EPS8: variants seen among roughly 807,000 people sequenced by gnomAD.
The protein encoded by EPS8 is EGFR pathway substrate 8, signaling adaptor.
EPS8 carries 42 observed loss-of-function variants against 103.8 expected under a neutral mutation model. That is an observed-to-expected ratio of 0.40 (90% CI 0.32 to 0.52). The LOEUF (loss-of-function observed/expected upper bound fraction) is 0.52, where lower values mean the gene tolerates loss of function less well. Ranked by LOEUF, EPS8 falls within the 20% of genes least tolerant of loss-of-function variation. EPS8 has a pLI of 0.40. For missense variants in EPS8, 969 were observed against 1,005.1 expected (o/e 0.96, Z 0.49); for synonymous variants, 344 against 344.6 (o/e 1.00, Z 0.02).
intron 18 of EPS8, among the ~76,000 whole-genome samples, chr12:15,630,846 G>A (rs935374249): frequency 3.3e-5 from 5 of 152,110 alleles, no homozygotes; most frequent in African/African-American, 1.2e-4. Context: ...CTCTGTTGCT[G>A]GGGACTGTCC....
Position 15,760,592 on chromosome 12 carries a change from T to C in EPS8, c.-22+28569A>G, listed in dbSNP as rs1565533687. ...CGAATTCAATAATACCTTTAAAAGA[T>C]CATTCATCATAACCAGGTGGGATAA... On this transcript the variant is annotated intron_variant, in intron 1 of 20. Coordinates refer to ENST00000281172, the MANE Select transcript of EPS8 (RefSeq NM_004447.6). The surrounding 1 kb of genome is among the most constrained non-coding windows in gnomAD (Gnocchi z 4.5). Among the ~76,000 whole-genome samples the C allele has an allele frequency of 6.6e-6, 1 of 152,056 alleles. No individual in the cohort carries two copies.
rs201599438 is a variant in EPS8 at position 15,631,647 on chromosome 12, A to G, written c.1839T>C (p.Tyr613=). 1.0e-4 allele frequency: 164 copies of G among 1,613,074 alleles called. 1 individual carries two copies. The East Asian group carries it at 3.3e-3, about 32-fold the overall frequency. The change falls in exon 18 of 21, where the codon TAT becomes TAC. Residue 613 remains tyrosine, a synonymous_variant. Coordinates refer to ENST00000281172, the MANE Select transcript of EPS8 (RefSeq NM_004447.6). ...THTIQKQRME[Y]GPRPADTPPA... ...GGGGAGTATCAGCTGGTCTTGGGCCATACTCCATCCTTTGTTTCTATAAAA... is the reference window on the plus strand; with the variant it reads ...GGGGAGTATCAGCTGGTCTTGGGCCGTACTCCATCCTTTGTTTCTATAAAA...
intron 1 of EPS8, among the ~76,000 whole-genome samples, chr12:15,699,045 TCCCTC>T (rs1233989527): frequency 6.6e-6 from 1 of 151,964 alleles, no homozygotes; most frequent in Non-Finnish European, 1.5e-5. Flanking sequence ...CTACAAATGA[TCCCTC>T]CACCGATGTG....
chr12:15,710,654 T>C (rs1462678672), intron 1 of EPS8, among the ~76,000 whole-genome samples: 1 of 152,210 alleles, frequency 6.6e-6, no homozygotes, highest in Non-Finnish European at 1.5e-5. Context: ...AATTTCTTCA[T>C]GTAGCTGGAA....
At position 15,780,651 on chromosome 12, in the gene EPS8, T is replaced by C. The variant is rs181522452; in HGVS notation, c.-22+8510A>G. The C allele has an allele frequency of 6.6e-6, 1 of 152,304 alleles. No homozygotes were observed. The highest frequency in any genetic ancestry group is 6.5e-5 in the Admixed American group (1 of 15,292). 9.4% of individuals were successfully genotyped at this position (152,304 alleles called of 1,614,324 possible). ...GATTCCAAAGTCCATTGTTTGTTTG[T>C]TTTTTAATATATACTTCCTTCAGCT... On this transcript the variant is annotated intron_variant, in intron 1 of 20. Coordinates refer to ENST00000281172, the MANE Select transcript of EPS8 (RefSeq NM_004447.6). This position sits in a 1 kb window ranked among gnomAD's most constrained non-coding sequence, Gnocchi z 4.1.
chr12:15,776,895 G>A lies in EPS8; in HGVS notation c.-22+12266C>T, dbSNP rs570091225. Among the ~76,000 whole-genome samples the A allele has an allele frequency of 6.2e-4, 94 of 152,236 alleles. No homozygotes were observed. The highest frequency in any genetic ancestry group is 2.2e-3 in the African/African-American group (91 of 41,554). On this transcript the variant is annotated intron_variant, in intron 1 of 20. Transcript: ENST00000281172. The surrounding 1 kb of genome is among the most constrained non-coding windows in gnomAD (Gnocchi z 4.2). ...TGAAAATTTCATATTTCCCAGTAAT[G>A]ATAGTTTGATTTTATCAATGCCTTT...
At position 15,761,765 on chromosome 12, in the gene EPS8, G is replaced by A. The variant is rs148216192; in HGVS notation, c.-22+27396C>T. On this transcript the variant is annotated intron_variant, in intron 1 of 20. Transcript: ENST00000281172. The surrounding 1 kb of genome is among the most constrained non-coding windows in gnomAD (Gnocchi z 4.5). ...GAAGGAAACTAGACCCCTATCTCTC[G>A]CCACATCCAAAAATCAAAGCTAAAT... is the stretch of plus-strand genomic sequence containing the variant. Among the ~76,000 whole-genome samples the A allele has an allele frequency of 1.9e-4, 29 of 152,000 alleles. No individual in the cohort carries two copies. Among genetic ancestry groups the A allele is most frequent in the Admixed American group, 1.3e-3 (20 of 15,240 alleles).
intron 1 of EPS8, among the ~76,000 whole-genome samples, chr12:15,758,993 A>C (rs1443559300): frequency 6.6e-6 from 1 of 152,186 alleles, no homozygotes; most frequent in Non-Finnish European, 1.5e-5. Context: ...AATGCACTCC[A>C]GCCTGGATTC....
intron 1 of EPS8, among the ~76,000 whole-genome samples, chr12:15,699,093 C>T (rs529030485): frequency 2.6e-5 from 4 of 152,156 alleles, no homozygotes; most frequent in Non-Finnish European, 4.4e-5. Context: ...AAAACTGCTC[C>T]CCAAGAGGAG....
At chr12:15,774,393 T>C (rs1947186114) in intron 1 of EPS8, among the ~76,000 whole-genome samples, 1 of 144,660 alleles carries the variant, frequency 6.9e-6, no homozygotes, top group African/African-American at 2.6e-5. Context: ...GCTATTACTC[T>C]TCAGTTAGGT....
rs1036536081 is a variant in EPS8 at position 15,772,451 on chromosome 12, T to C, written c.-22+16710A>G. Among the ~76,000 whole-genome samples, 5 of 152,072 alleles carry C rather than the reference T, an allele frequency of 3.3e-5. No homozygotes were observed. The highest frequency in any genetic ancestry group is 2.1e-4 in the South Asian group (1 of 4,826). On this transcript the variant is annotated intron_variant, in intron 1 of 20. Transcript: ENST00000281172. This position sits in a 1 kb window ranked among gnomAD's most constrained non-coding sequence, Gnocchi z 5.0. ...AGAGAATGAAACTTAGGCTGTAACA[T>C]GAAATGAGATGAAGGCTAAGAAAAT... is the stretch of plus-strand genomic sequence containing the variant.
intron 18 of EPS8, among the ~76,000 whole-genome samples, chr12:15,626,112 A>G (rs898327383): frequency 1.3e-5 from 2 of 152,172 alleles, no homozygotes; most frequent in African/African-American, 4.8e-5. Context: ...CTGGCAAAAT[A>G]CCACGGAGCT....
intron 1 of EPS8, among the ~76,000 whole-genome samples, chr12:15,786,212 A>G (rs1947309436): frequency 6.6e-6 from 1 of 152,100 alleles, no homozygotes; most frequent in South Asian, 2.1e-4. Context: ...TACTGATAGT[A>G]TATACCCTTG....
Position 15,663,944 on chromosome 12 carries a change from A to ATAAT in EPS8, c.736+1811_736+1812insATTA, listed in dbSNP as rs1264237107. On this transcript the variant is annotated intron_variant, in intron 8 of 20. Transcript: ENST00000281172. ...TCAAAAAAAAAAAAAAAAAAAAAAA[A>ATAAT]AATAATATATATATATATATATATA... Among the ~76,000 whole-genome samples, 256 of 85,922 alleles carry ATAAT rather than the reference A, an allele frequency of 3.0e-3. 6 individuals carry two copies. Among genetic ancestry groups the ATAAT allele is most frequent in the African/African-American group, 0.011 (235 of 22,146 alleles). The allele number at this position is 85,922 out of a possible 152,430, so 56.4% of individuals were successfully genotyped here.
Position 15,704,470 on chromosome 12 carries a change from A to C in EPS8, c.-21-21498T>G, listed in dbSNP as rs1167361266. Among the ~76,000 whole-genome samples the C allele has an allele frequency of 1.3e-5, 2 of 152,226 alleles. No homozygotes were observed. The highest frequency in any genetic ancestry group is 2.9e-5 in the Non-Finnish European group (2 of 68,024). On this transcript the variant is annotated intron_variant, in intron 1 of 20. Coordinates refer to ENST00000281172, the MANE Select transcript of EPS8 (RefSeq NM_004447.6). The surrounding 1 kb of genome is among the most constrained non-coding windows in gnomAD (Gnocchi z 4.6). ...GCCATTACACTAAGTAAAATAAGCC[A>C]GTCACAAAAGGACAAATACTCTATG...
intron 9 of EPS8, 56 bp from the exon 10 acceptor site, chr12:15,660,796 G>T: frequency 9.6e-7 from 1 of 1,038,414 alleles, no homozygotes; most frequent in Non-Finnish European, 1.4e-6. Context: ...TACCTTAGCT[G>T]TACTCTGTTA....
Position 15,751,925 on chromosome 12 carries a change from A to G in EPS8, c.-22+37236T>C, listed in dbSNP as rs1946936940. Among the ~76,000 whole-genome samples, 1 of 152,038 alleles carries G rather than the reference A, an allele frequency of 6.6e-6. No homozygotes were observed. Among genetic ancestry groups the G allele is most frequent in the Admixed American group, 6.6e-5 (1 of 15,258 alleles). ...AGGCATGGGCGTGGGGGAGGTGGAG[A>G]GCCAGAAAAGTGTAGAAAATCAAGG... On this transcript the variant is annotated intron_variant, in intron 1 of 20. Coordinates refer to ENST00000281172, the MANE Select transcript of EPS8 (RefSeq NM_004447.6). The surrounding 1 kb of genome is among the most constrained non-coding windows in gnomAD (Gnocchi z 4.3).
Position 15,738,735 on chromosome 12 carries a change from C to T in EPS8, c.-22+50426G>A, listed in dbSNP as rs1956573549. Among the ~76,000 whole-genome samples, 1 of 151,794 alleles carries T rather than the reference C, an allele frequency of 6.6e-6. No homozygotes were observed. Among genetic ancestry groups the T allele is most frequent in the Non-Finnish European group, 1.5e-5 (1 of 67,982 alleles). ...AATATAAACTACAAAAGGACACAGG[C>T]CAACTTGGTTTTTTTTTTGTAATAC... is the stretch of plus-strand genomic sequence containing the variant. On this transcript the variant is annotated intron_variant, in intron 1 of 20. Coordinates refer to ENST00000281172, the MANE Select transcript of EPS8 (RefSeq NM_004447.6). The surrounding 1 kb of genome is among the most constrained non-coding windows in gnomAD (Gnocchi z 6.2).
intron 18 of EPS8, among the ~76,000 whole-genome samples, chr12:15,627,629 T>C (rs1944971795): frequency 6.6e-6 from 1 of 152,200 alleles, no homozygotes; most frequent in African/African-American, 2.4e-5. Flanking sequence ...AGGGCTGTTT[T>C]ATAGCCAAAG....
Sources: allele counts gnomAD v4.1 joint callset (sites outside exome capture counted in the v4.1 genomes callset), GRCh38; gene constraint gnomAD v4.1.1; non-coding constraint Gnocchi (gnomAD v3.1); transcripts MANE v1.5; gene names NCBI Gene and HGNC (gene_info 2026-07-23, HGNC 2026-07-21).